Variants in ABCC11 observed in about 807,000 individuals in gnomAD.
ABCC11 encodes ATP binding cassette subfamily C member 11.
ABCC11 carries 135 observed loss-of-function variants against 149.3 expected under a neutral mutation model. That is an observed-to-expected ratio of 0.90 (90% CI 0.79 to 1.04). The LOEUF is 1.04. ABCC11 is among the 50% of genes least tolerant of loss of function. The pLI is 0.00. For synonymous variants in ABCC11, 665 were observed against 671.4 expected (o/e 0.99, Z 0.15); for missense variants, 1,680 against 1,722.1 (o/e 0.98, Z 0.43).
rs538924330 is a variant in ABCC11 at position 48,187,907 on chromosome 16, G to A, written c.2707-480C>T. Among the ~76,000 whole-genome samples, 11 of 152,188 alleles carry A rather than the reference G, an allele frequency of 7.2e-5. No individual in the cohort carries two copies. The East Asian group carries it at 1.7e-3, about 24-fold the overall frequency. On this transcript the variant is annotated intron_variant, in intron 20 of 29. Transcript: ENST00000356608. ...GGTTTGAACGCCAGACCAAATTGAG[G>A]ACTAGCTAAAACAGGGGTGGGGTGG...
At chr16:48,232,189 A>C in intron 1 of ABCC11, 5 of 692,290 alleles carry the variant, frequency 7.2e-6, no homozygotes, top group Non-Finnish European at 1.0e-5. Flanking sequence ...CCCACCCCCA[A>C]CACCGCACCC....
chr16:48,194,419 C>T (rs774972638), intron 18 of ABCC11, among the ~76,000 whole-genome samples: 18 of 152,158 alleles, frequency 1.2e-4, no homozygotes, highest in South Asian at 6.2e-4. Context: ...TTATGTGGTA[C>T]GTACTATTAT....
chr16:48,224,498 T>C, intron 4 of ABCC11, 69 bp from the exon 5 acceptor site: 1 of 1,551,932 alleles, frequency 6.4e-7, no homozygotes, highest in Non-Finnish European at 8.7e-7. Flanking sequence ...TAGTTCTTGC[T>C]AGCCAGGAGC....
At chr16:48,231,578 G>T (rs1970418250) in intron 2 of ABCC11, among the ~76,000 whole-genome samples, 1 of 150,118 alleles carries the variant, frequency 6.7e-6, no homozygotes, top group Non-Finnish European at 1.5e-5. Flanking sequence ...GAGGTGGGAG[G>T]ATCATTTGAA....
chr16:48,194,968 G>T (rs1368590170), intron 18 of ABCC11, among the ~76,000 whole-genome samples: 2 of 152,230 alleles, frequency 1.3e-5, no homozygotes, highest in Non-Finnish European at 2.9e-5. Context: ...GAGTTGGTGA[G>T]TGGCAGAGCT....
intron 1 of ABCC11, among the ~76,000 whole-genome samples, chr16:48,234,376 T>G (rs11861346): frequency 0.13 from 19,840 of 152,156 alleles, 1,578 homozygotes; most frequent in African/African-American, 0.23. Context: ...TATATAATTT[T>G]TTTTTTATTA....
At chr16:48,205,887 T>C (rs1968404328) in intron 12 of ABCC11, among the ~76,000 whole-genome samples, 2 of 151,332 alleles carry the variant, frequency 1.3e-5, no homozygotes, top group Admixed American at 1.3e-4. Context: ...TTCGGCTCAC[T>C]GCAAGCTCCA....
intron 7 of ABCC11, 79 bp from the exon 8 acceptor site, chr16:48,215,423 T>A: frequency 1.3e-6 from 2 of 1,496,160 alleles, no homozygotes; most frequent in South Asian, 1.2e-5. Flanking sequence ...CAGCCTGGCA[T>A]AAGTAGGGCA....
At chr16:48,242,603 T>G (rs867182026) in intron 1 of ABCC11, among the ~76,000 whole-genome samples, 2 of 152,186 alleles carry the variant, frequency 1.3e-5, no homozygotes, top group Admixed American at 6.5e-5. Context: ...ACACGTATGC[T>G]TACTGCGGCA....
intron 4 of ABCC11, 133 bp from the exon 5 acceptor site, chr16:48,224,562 G>A (rs1353552417): frequency 1.5e-5 from 14 of 956,992 alleles, no homozygotes; most frequent in Non-Finnish European, 2.1e-5. Flanking sequence ...GTAATCTTCT[G>A]AGTACTCATC....
At chr16:48,203,165 G>T in intron 14 of ABCC11, 63 bp downstream of exon 14, 1 of 1,454,406 alleles carries the variant, frequency 6.9e-7, no homozygotes. Context: ...CCTGCCTGGG[G>T]AGGCAGCATG....
intron 26 of ABCC11, among the ~76,000 whole-genome samples, chr16:48,171,662 C>A (rs1024105527): frequency 2.0e-5 from 3 of 152,124 alleles, no homozygotes; most frequent in Non-Finnish European, 4.4e-5. Flanking sequence ...CTATTTATAT[C>A]GAAACCTTTT....
At chr16:48,244,559 G>A in intron 1 of ABCC11, 2 of 1,536,790 alleles carry the variant, frequency 1.3e-6, no homozygotes, top group Non-Finnish European at 8.7e-7. Flanking sequence ...GCACCATCCT[G>A]GGCGTCATCC....
At position 48,192,517 on chromosome 16, in the gene ABCC11, T is replaced by C. The variant is rs1459445259; in HGVS notation, c.2706+3A>G. Reference sequence around the variant, plus strand: ...CGGCCCCACCCAGCACCCAGGCCCATACCTTGTTGAAGAGCTTGTTGTGCA... The same window carrying C: ...CGGCCCCACCCAGCACCCAGGCCCACACCTTGTTGAAGAGCTTGTTGTGCA... On this transcript the variant is annotated splice_donor_region_variant and intron_variant, in intron 20 of 29. Coordinates refer to ENST00000356608, the MANE Select transcript of ABCC11 (RefSeq NM_001370497.1). The C allele has an allele frequency of 1.9e-6, 3 of 1,614,144 alleles. No homozygotes were observed. Among genetic ancestry groups the C allele is most frequent in the South Asian group, 2.2e-5 (2 of 91,084 alleles).
chr16:48,193,189 A>G (rs537368339), intron 19 of ABCC11, among the ~76,000 whole-genome samples: 1 of 152,312 alleles, frequency 6.6e-6, no homozygotes, highest in Admixed American at 6.5e-5. Flanking sequence ...GAGATCCCTG[A>G]TGGCCAATTC....
At chr16:48,216,361 C>T in intron 6 of ABCC11, 74 bp from the exon 7 acceptor site, 1 of 1,450,368 alleles carries the variant, frequency 6.9e-7, no homozygotes, top group Non-Finnish European at 9.5e-7. Context: ...GTGGCCTCCC[C>T]ATGCCCTCTC....
chr16:48,245,100 A>G (rs1423798716), intron 1 of ABCC11, among the ~76,000 whole-genome samples: 1 of 151,920 alleles, frequency 6.6e-6, no homozygotes, highest in Non-Finnish European at 1.5e-5. Context: ...CGTGAGTTTT[A>G]ACTTTTCCTG....
At position 48,196,269 on chromosome 16, in the gene ABCC11, A is replaced by T; in HGVS notation, c.2367T>A (p.Ser789Arg). 3 of 1,614,060 alleles carry T rather than the reference A, an allele frequency of 1.9e-6. No individual in the cohort carries two copies. In the African/African-American group the frequency reaches 4.0e-5, roughly 22 times the overall value. ...QEEEMEEGSLSWRVYHHYIQA... is the reference protein window; with the variant it reads ...QEEEMEEGSLRWRVYHHYIQA... ...GGATGTAGTGGTGGTAGACCCTCCA[A>T]CTCAAGGAGCCTTCTTCCATCTCCT... Residue 789 changes from serine (S) to arginine (R), a missense_variant, in exon 18 of 30, where the codon AGT becomes AGA. Transcript: ENST00000356608.
chr16:48,222,662 A>G lies in ABCC11; in HGVS notation c.713T>C (p.Val238Ala), dbSNP rs1969822533. The G allele has an allele frequency of 6.2e-7, 1 of 1,614,212 alleles. No individual in the cohort carries two copies. The highest frequency in any genetic ancestry group is 1.6e-4 in the Middle Eastern group (1 of 6,062). ...GAGCTTCTCAAAGGCAAAGGAGGAA[A>G]CAGCTGCTCGGAACCTGATGGCTGT... is the stretch of plus-strand genomic sequence containing the variant. ...QRTAIRFRAA[V>A]SSFAFEKLIQ... The change falls in exon 6 of 30, where the codon GTT becomes GCT. Residue 238 changes from valine (V) to alanine (A), a missense_variant. Transcript: ENST00000356608.
Sources: allele counts gnomAD v4.1 joint callset (sites outside exome capture counted in the v4.1 genomes callset), GRCh38; gene constraint gnomAD v4.1.1; transcripts MANE v1.5; gene names NCBI Gene and HGNC (gene_info 2026-07-23, HGNC 2026-07-21).